The following NDST4 variants were observed in gnomAD, a reference collection of about 807,000 sequenced individuals.
The protein encoded by NDST4 is N-deacetylase and N-sulfotransferase 4, also known as N-heparan sulfate sulfotransferase 4.
NDST4 carries 63 observed loss-of-function variants against 100.8 expected under a neutral mutation model. The observed-to-expected ratio is 0.62, with a 90% CI of 0.51 to 0.77. The LOEUF (loss-of-function observed/expected upper bound fraction) is 0.77, where lower values mean the gene tolerates loss of function less well. NDST4 is among the 30% of genes least tolerant of loss of function. The pLI, the probability that NDST4 is intolerant of heterozygous loss-of-function variation, is 0.00. For missense variants in NDST4, 943 were observed against 1,018.4 expected (o/e 0.93, Z 1.01); for synonymous variants, 377 against 361.8 (o/e 1.04, Z -0.48).
chr4:114,836,889 T>G (rs1052206173), intron 11 of NDST4, among the ~76,000 whole-genome samples: 11 of 152,150 alleles, frequency 7.2e-5, no homozygotes, highest in Non-Finnish European at 1.3e-4. Context: ...CTGATAGCTT[T>G]TATTCTGCTT....
chr4:114,932,641 A>G (rs182719866), intron 6 of NDST4, among the ~76,000 whole-genome samples: 3 of 152,156 alleles, frequency 2.0e-5, no homozygotes, highest in African/African-American at 7.2e-5. Context: ...AAATTCAGTA[A>G]AGTTGAAGTA....
Position 114,947,207 on chromosome 4 carries a change from A to G in NDST4, c.1222-9704T>C, listed in dbSNP as rs375804689. On this transcript the variant is annotated intron_variant, in intron 4 of 13. Coordinates refer to ENST00000264363, the MANE Select transcript of NDST4 (RefSeq NM_022569.3). ...CCAAGACAAATTTAGTTTCAGTAGTATAGGCATAAACTTGGTGTCAATTTG... is the reference window on the plus strand; with the variant it reads ...CCAAGACAAATTTAGTTTCAGTAGTGTAGGCATAAACTTGGTGTCAATTTG... Among the ~76,000 whole-genome samples the G allele has an allele frequency of 1.5e-4, 23 of 152,310 alleles. No individual in the cohort carries two copies. In the South Asian group the frequency reaches 3.1e-3, roughly 21 times the overall value.
At chr4:114,916,586 GTGTGTA>G (rs1208036838) in intron 6 of NDST4, among the ~76,000 whole-genome samples, 13 of 146,292 alleles carry the variant, frequency 8.9e-5, no homozygotes, top group African/African-American at 3.0e-4. Flanking sequence ...GTGTGTGTTT[GTGTGTA>G]TGTGTGTGTG....
intron 6 of NDST4, among the ~76,000 whole-genome samples, chr4:114,914,666 G>A (rs1256310262): frequency 2.0e-5 from 3 of 151,990 alleles, no homozygotes; most frequent in Non-Finnish European, 4.4e-5. Flanking sequence ...AATCAGTTCT[G>A]CTTTTTCAAG....
At chr4:115,038,741 C>T (rs1163355257) in intron 2 of NDST4, among the ~76,000 whole-genome samples, 1 of 152,112 alleles carries the variant, frequency 6.6e-6, no homozygotes, top group East Asian at 1.9e-4. Flanking sequence ...CTTTGGGAGG[C>T]CAGGAAGGCA....
chr4:114,882,389 G>A (rs1366350042), intron 6 of NDST4, among the ~76,000 whole-genome samples: 1 of 152,024 alleles, frequency 6.6e-6, no homozygotes, highest in African/African-American at 2.4e-5. Flanking sequence ...AAACATCACT[G>A]CTATATTCCT....
intron 2 of NDST4, among the ~76,000 whole-genome samples, chr4:114,994,387 G>T (rs1485363063): frequency 1.3e-5 from 2 of 151,806 alleles, no homozygotes; most frequent in Non-Finnish European, 2.9e-5. Flanking sequence ...GGAATATTTG[G>T]CTTCACCTCA....
At chr4:115,061,907 G>A (rs1728832812) in intron 2 of NDST4, among the ~76,000 whole-genome samples, 1 of 151,944 alleles carries the variant, frequency 6.6e-6, no homozygotes, top group African/African-American at 2.4e-5. Context: ...ATGCTTATAT[G>A]AGAGGAAAAA....
chr4:115,001,066 T>C (rs1044792967), intron 2 of NDST4, among the ~76,000 whole-genome samples: 1 of 152,138 alleles, frequency 6.6e-6, no homozygotes, highest in Non-Finnish European at 1.5e-5. Context: ...CCTCAACTTC[T>C]AATATCATCA....
At chr4:115,001,603 A>G (rs1727291678) in intron 2 of NDST4, among the ~76,000 whole-genome samples, 1 of 151,918 alleles carries the variant, frequency 6.6e-6, no homozygotes, top group African/African-American at 2.4e-5. Context: ...AATTTTTACT[A>G]TATAATAATT....
intron 2 of NDST4, among the ~76,000 whole-genome samples, chr4:115,042,624 G>T (rs974718899): frequency 1.3e-5 from 2 of 152,000 alleles, no homozygotes; most frequent in African/African-American, 4.8e-5. Flanking sequence ...GTATGTATGT[G>T]TGTATAGGAA....
Position 115,066,705 on chromosome 4 carries a change from CATTGAA to C in NDST4, c.978+9348_978+9353del, listed in dbSNP as rs1313888622. On this transcript the variant is annotated intron_variant, in intron 2 of 13. Coordinates refer to ENST00000264363, the MANE Select transcript of NDST4 (RefSeq NM_022569.3). Reference sequence around the variant, plus strand: ...ATCAACTGAGGACTTTCAAATAGTACATTGAATTCTCACAGCTGGGCACCTAAAGAT... The same window carrying C: ...ATCAACTGAGGACTTTCAAATAGTACTTCTCACAGCTGGGCACCTAAAGAT... 6.6e-5 allele frequency among the ~76,000 whole-genome samples: 10 copies of C among 152,150 alleles called. No homozygotes were observed. The South Asian group carries it at 1.7e-3, about 25-fold the overall frequency.
chr4:114,867,665 C>CAAAA, intron 7 of NDST4, among the ~76,000 whole-genome samples: 88 of 79,872 alleles, frequency 1.1e-3, no homozygotes, highest in Non-Finnish European at 1.2e-3. Flanking sequence ...AAAAAAAAAG[C>CAAAA]AAAAAAAAAA....
chr4:115,020,801 G>A (rs779848432), intron 2 of NDST4, among the ~76,000 whole-genome samples: 7 of 151,898 alleles, frequency 4.6e-5, no homozygotes, highest in Non-Finnish European at 7.4e-5. Context: ...GGCCAACATC[G>A]TATGAAAAAA....
chr4:114,923,393 T>C (rs1301419516), intron 6 of NDST4, among the ~76,000 whole-genome samples: 2 of 152,046 alleles, frequency 1.3e-5, no homozygotes, highest in Admixed American at 1.3e-4. Flanking sequence ...AAAAAATAAA[T>C]ATTAAGGAAA....
intron 2 of NDST4, among the ~76,000 whole-genome samples, chr4:115,053,910 G>A (rs2620431): frequency 0.21 from 31,085 of 151,584 alleles, 4,004 homozygotes; most frequent in East Asian, 0.46. Flanking sequence ...AAATCTAAAG[G>A]GTTATTTTTT....
intron 2 of NDST4, among the ~76,000 whole-genome samples, chr4:115,063,320 C>A (rs555131581): frequency 6.6e-6 from 1 of 151,894 alleles, no homozygotes; most frequent in Non-Finnish European, 1.5e-5. Context: ...TCAGAGTACA[C>A]ATGAATAATG....
chr4:114,923,613 G>T (rs1446282960), intron 6 of NDST4, among the ~76,000 whole-genome samples: 2 of 151,708 alleles, frequency 1.3e-5, no homozygotes, highest in East Asian at 1.9e-4. Context: ...ACTGATACAG[G>T]GAGTGTTTTC....
chr4:115,022,473 G>GTGTTCCATATATATGTGTTCCATATATA (rs1560570256), intron 2 of NDST4, among the ~76,000 whole-genome samples: 1 of 63,340 alleles, frequency 1.6e-5, no homozygotes, highest in African/African-American at 7.4e-5. Flanking sequence ...CCATATATAT[G>GTGTTCCATATATATGTGTTCCATATATA]TGTTCCATAT....
Sources: allele counts gnomAD v4.1 joint callset (sites outside exome capture counted in the v4.1 genomes callset), GRCh38; gene constraint gnomAD v4.1.1; transcripts MANE v1.5; gene names NCBI Gene and HGNC (gene_info 2026-07-23, HGNC 2026-07-21).